Variants in MED13L observed in about 807,000 individuals in gnomAD.
The protein encoded by MED13L is mediator complex subunit 13L, also known as mediator of RNA polymerase II transcription subunit 13-like.
MED13L carries 7 observed loss-of-function variants against 220.9 expected under a neutral mutation model. The ratio of observed to expected loss-of-function variants is 0.03; its 90% CI spans 0.02 to 0.06. The LOEUF is 0.06. MED13L is among the 10% of genes least tolerant of loss of function. The probability of loss-of-function intolerance (pLI) is 1.00; values close to 1 mark genes in which losing one functional copy is unlikely to be tolerated. For synonymous variants in MED13L, 1,011 were observed against 1,015.2 expected, an observed-to-expected ratio of 1.00 and a Z score of 0.08; for missense variants, 1,965 against 2,760.5, an observed-to-expected ratio of 0.71 and a Z score of 6.46.
chr12:116,060,088 T>G (rs1347334640), intron 4 of MED13L, among the ~76,000 whole-genome samples: 2 of 152,096 alleles, frequency 1.3e-5, no homozygotes, highest in African/African-American at 4.8e-5. Context: ...CTGTGTACAC[T>G]GTGAGAGGAA....
chr12:116,244,769 T>C (rs924963137), intron 1 of MED13L, among the ~76,000 whole-genome samples: 10 of 152,104 alleles, frequency 6.6e-5, no homozygotes, highest in Admixed American at 2.0e-4. Flanking sequence ...CTAAGCAACA[T>C]AGTGAGACCT....
In MED13L at chr12:116,221,871, T is replaced by TTA. The variant is rs532924254; in HGVS notation, c.310+15595_310+15596dup. Among the ~76,000 whole-genome samples, 21 of 152,300 alleles carry TTA rather than the reference T, an allele frequency of 1.4e-4. No homozygotes were observed. The South Asian group carries it at 4.1e-3, about 30-fold the overall frequency. On this transcript the variant is annotated intron_variant, in intron 2 of 30. Coordinates refer to ENST00000281928, the MANE Select transcript of MED13L (RefSeq NM_015335.5). Reference sequence around the variant, plus strand: ...TTAAAATAATATGAAAAATTATTTTTTATTCAAATCCCCATAAGGAGCAAG... The same window carrying TTA: ...TTAAAATAATATGAAAAATTATTTTTTATATTCAAATCCCCATAAGGAGCAAG...
chr12:115,987,020 G>A, intron 18 of MED13L, 89 bp downstream of exon 18: 1 of 1,317,396 alleles, frequency 7.6e-7, no homozygotes, highest in Non-Finnish European at 1.1e-6. Context: ...TATTTTGTTA[G>A]TGACGCAAGG....
Position 115,987,307 on chromosome 12 carries a change from G to A in MED13L, c.3935-19C>T, listed in dbSNP as rs754097859. ...TCCAGCACTGGAAGAGAAGTGAGAAGAAACAGAGAAGATAAGGGGGCTAGC... is the reference window on the plus strand; with the variant it reads ...TCCAGCACTGGAAGAGAAGTGAGAAAAAACAGAGAAGATAAGGGGGCTAGC... On this transcript the variant is annotated intron_variant, in intron 17 of 30. Transcript: ENST00000281928. 3 of 1,608,428 alleles carry A rather than the reference G, an allele frequency of 1.9e-6. No individual in the cohort carries two copies.
In MED13L at chr12:116,001,703, A is replaced by G. The variant is rs375862073; in HGVS notation, c.2569+1300T>C. Among the ~76,000 whole-genome samples the G allele has an allele frequency of 2.9e-4, 44 of 152,290 alleles. 1 individual carries two copies. The East Asian group carries it at 7.9e-3, about 27-fold the overall frequency. On this transcript the variant is annotated intron_variant, in intron 14 of 30. Coordinates refer to ENST00000281928, the MANE Select transcript of MED13L (RefSeq NM_015335.5). ...AAAATGATCCTCTGTATTCTTGCAT[A>G]TCTGGGTTTTCCTGGTGTTAATATT...
At chr12:116,079,489 G>C (rs1445110693) in intron 4 of MED13L, among the ~76,000 whole-genome samples, 1 of 151,898 alleles carries the variant, frequency 6.6e-6, no homozygotes, top group Non-Finnish European at 1.5e-5. Flanking sequence ...GCCTCCCAAA[G>C]GGCTCAGATT....
intron 2 of MED13L, among the ~76,000 whole-genome samples, chr12:116,120,838 A>G (rs183348602): frequency 9.2e-5 from 14 of 152,302 alleles, no homozygotes; most frequent in Admixed American, 6.5e-4. Flanking sequence ...GACTATGTTT[A>G]TAAGTCTAAT....
At chr12:116,234,477 G>C (rs1267395334) in intron 2 of MED13L, among the ~76,000 whole-genome samples, 1 of 151,992 alleles carries the variant, frequency 6.6e-6, no homozygotes, top group Non-Finnish European at 1.5e-5. Flanking sequence ...TGATCCTCCT[G>C]CCTAGGCCTC....
chr12:116,240,834 T>A (rs1337390493), intron 1 of MED13L, among the ~76,000 whole-genome samples: 1 of 151,442 alleles, frequency 6.6e-6, no homozygotes, highest in East Asian at 2.0e-4. Context: ...GACATCAAGG[T>A]GTATGTTTTA....
At chr12:115,976,634 AAT>A (rs774331700) in intron 23 of MED13L, among the ~76,000 whole-genome samples, 2 of 152,228 alleles carry the variant, frequency 1.3e-5, no homozygotes, top group African/African-American at 2.4e-5. Flanking sequence ...TATATAGTTT[AAT>A]ATGTGTGTCT....
At chr12:116,090,958 C>A (rs1872147585) in intron 4 of MED13L, among the ~76,000 whole-genome samples, 1 of 151,874 alleles carries the variant, frequency 6.6e-6, no homozygotes, top group Non-Finnish European at 1.5e-5. Flanking sequence ...AATCCCGTCT[C>A]TACTAAAAAT....
chr12:116,024,975 T>C (rs989938709), intron 4 of MED13L, among the ~76,000 whole-genome samples: 4 of 152,182 alleles, frequency 2.6e-5, no homozygotes, highest in African/African-American at 7.2e-5. Context: ...TTCTGTTCCA[T>C]TGATTTACGT....
chr12:116,193,938 A>C (rs1448879243), intron 2 of MED13L, among the ~76,000 whole-genome samples: 1 of 152,234 alleles, frequency 6.6e-6, no homozygotes, highest in African/African-American at 2.4e-5. Flanking sequence ...GTTAGCAAAA[A>C]GACATTAACA....
intron 3 of MED13L, among the ~76,000 whole-genome samples, chr12:116,102,588 T>A (rs1354723552): frequency 6.6e-6 from 1 of 151,590 alleles, no homozygotes; most frequent in African/African-American, 2.4e-5. Flanking sequence ...TGCAAAGAAG[T>A]CTCCTTCCTA....
In MED13L at chr12:116,029,917, A is replaced by T. The variant is rs1880628954; in HGVS notation, c.480-7316T>A. On this transcript the variant is annotated intron_variant, in intron 4 of 30. Transcript: ENST00000281928. ...TAACAAGACACAAGACATCATTTCA[A>T]AGAAATGATGATATACAGTCTACAT... Among the ~76,000 whole-genome samples the T allele has an allele frequency of 1.3e-5, 2 of 152,168 alleles. 1 individual carries two copies. Among genetic ancestry groups the T allele is most frequent in the South Asian group, 4.1e-4 (2 of 4,826 alleles).
rs2137286417 is a variant in MED13L at position 115,986,258 on chromosome 12, T to C, written c.4338+8A>G. Reference sequence around the variant, plus strand: ...CATAAAAAGCAATTTTCACAGTAACTTCCTCACCTCGTATACAGCACTCAA... The same window carrying C: ...CATAAAAAGCAATTTTCACAGTAACCTCCTCACCTCGTATACAGCACTCAA... On this transcript the variant is annotated splice_region_variant and intron_variant, in intron 19 of 30. Coordinates refer to ENST00000281928, the MANE Select transcript of MED13L (RefSeq NM_015335.5). The C allele has an allele frequency of 2.5e-6, 4 of 1,612,962 alleles. No individual in the cohort carries two copies. Among genetic ancestry groups the C allele is most frequent in the Middle Eastern group, 3.3e-4 (2 of 6,056 alleles).
At chr12:116,053,430 G>A (rs1868676544) in intron 4 of MED13L, among the ~76,000 whole-genome samples, 1 of 152,172 alleles carries the variant, frequency 6.6e-6, no homozygotes, top group Non-Finnish European at 1.5e-5. Context: ...GACTAAAGTT[G>A]GGCCTGAAGG....
At chr12:116,109,991 T>A (rs995540905) in intron 3 of MED13L, 1 of 152,216 alleles carries the variant, frequency 6.6e-6, no homozygotes, top group Non-Finnish European at 1.5e-5. Flanking sequence ...GTAACCACCC[T>A]AGCCAATAGT....
Position 116,258,759 on chromosome 12 carries a change from G to A in MED13L, c.72+18301C>T, listed in dbSNP as rs563128105. Among the ~76,000 whole-genome samples the A allele has an allele frequency of 3.5e-5, 5 of 142,170 alleles. No homozygotes were observed. The South Asian group carries it at 1.1e-3, about 33-fold the overall frequency. 93.3% of individuals were successfully genotyped at this position (142,170 alleles called of 152,430 possible). A position where few individuals can be genotyped will look rare whatever the true frequency, so the allele number is the denominator to read the frequency against. Reference sequence around the variant, plus strand: ...CCACTGCACTCCGGCCTGGGCGACAGAGTGAGACTCCATCTCAGAAAAAAA... The same window carrying A: ...CCACTGCACTCCGGCCTGGGCGACAAAGTGAGACTCCATCTCAGAAAAAAA... On this transcript the variant is annotated intron_variant, in intron 1 of 30. Coordinates refer to ENST00000281928, the MANE Select transcript of MED13L (RefSeq NM_015335.5).
Sources: gnomAD v4.1 joint callset for allele counts (sites outside exome capture counted in the v4.1 genomes callset) on GRCh38, gnomAD v4.1.1 for gene constraint, MANE v1.5 for transcripts, NCBI Gene and HGNC (gene_info 2026-07-23, HGNC 2026-07-21) for gene names.